The following HACD2 variants were observed in gnomAD, a reference collection of about 807,000 sequenced individuals.
HACD2 encodes the protein very-long-chain (3R)-3-hydroxyacyl-CoA dehydratase 2.
HACD2 carries 15 observed loss-of-function variants against 31.0 expected under a neutral mutation model. The ratio of observed to expected loss-of-function variants is 0.48; its 90% CI spans 0.32 to 0.75. HACD2 has a LOEUF of 0.75. Among genes scored for constraint, HACD2 ranks in the 30% least tolerant of loss-of-function variants. HACD2 has a pLI of 0.03. For synonymous variants in HACD2, 115 were observed against 122.2 expected, an observed-to-expected ratio of 0.94 and a Z score of 0.39; for missense variants, 283 against 313.0, an observed-to-expected ratio of 0.90 and a Z score of 0.72.
Position 123,528,461 on chromosome 3 carries a change from A to C in HACD2, c.306T>G (p.Ser102=). Residue 102 remains serine (S), a synonymous_variant, in exon 4 of 7, where the codon TCT becomes TCG. Transcript: ENST00000383657. ...ILHCAIGIVP[S]SVVLTSFQVM... ...CCTGGAAAGAAGTCAGGACAACAGA[A>C]GATGGAACAATTCCTGAAAGAAATT... 1 of 1,609,902 alleles carries C rather than the reference A, an allele frequency of 6.2e-7. No individual in the cohort carries two copies. Among genetic ancestry groups the C allele is most frequent in the South Asian group, 1.1e-5 (1 of 90,988 alleles).
intron 4 of HACD2, among the ~76,000 whole-genome samples, chr3:123,518,483 T>C (rs1279285028): frequency 6.6e-6 from 1 of 152,210 alleles, no homozygotes; most frequent in Admixed American, 6.5e-5. Context: ...ACAAATGTCA[T>C]GCAACATATT....
intron 3 of HACD2, among the ~76,000 whole-genome samples, chr3:123,559,398 C>T (rs2056704337): frequency 6.6e-6 from 1 of 152,226 alleles, no homozygotes; most frequent in African/African-American, 2.4e-5. Flanking sequence ...AACACTCATA[C>T]TTTGGCACGT....
intron 3 of HACD2, among the ~76,000 whole-genome samples, chr3:123,532,484 G>C (rs906390620): frequency 3.9e-5 from 6 of 152,148 alleles, no homozygotes; most frequent in African/African-American, 1.4e-4. Flanking sequence ...TCTCAGCTCT[G>C]AACAGAGCTG....
chr3:123,530,044 T>G (rs1171381578), intron 3 of HACD2, among the ~76,000 whole-genome samples: 1 of 152,222 alleles, frequency 6.6e-6, no homozygotes, highest in Admixed American at 6.5e-5. Context: ...ATATTTCTAT[T>G]ATAATAGACC....
At chr3:123,532,352 A>T (rs1250403000) in intron 3 of HACD2, among the ~76,000 whole-genome samples, 4 of 152,202 alleles carry the variant, frequency 2.6e-5, no homozygotes, top group Non-Finnish European at 5.9e-5. Context: ...AGCAAACAGC[A>T]GTTCAGGCCC....
chr3:123,533,217 T>C (rs995409406), intron 3 of HACD2, among the ~76,000 whole-genome samples: 4 of 143,260 alleles, frequency 2.8e-5, no homozygotes, highest in African/African-American at 7.6e-5. Flanking sequence ...GGCACAATCA[T>C]GGCTCACTGC....
chr3:123,492,779 A>G lies in HACD2; in HGVS notation c.*2109T>C, dbSNP rs1002905057. On this transcript the variant is annotated 3_prime_UTR_variant, in exon 7 of 7. Transcript: ENST00000383657. ...TCTAGAATTTTTCCAAAAACAACTG[A>G]AAAAATCTAACAGAACAAAGTAAAT... The G allele has an allele frequency of 1.3e-5, 2 of 152,256 alleles. No individual in the cohort carries two copies. The highest frequency in any genetic ancestry group is 4.8e-5 in the African/African-American group (2 of 41,474). The allele number at this position is 152,256 out of a possible 1,614,324, so 9.4% of individuals were successfully genotyped here.
At chr3:123,504,268 T>G (rs999381953) in intron 4 of HACD2, among the ~76,000 whole-genome samples, 4 of 152,200 alleles carry the variant, frequency 2.6e-5, no homozygotes, top group African/African-American at 9.6e-5. Flanking sequence ...TTTTTACAGC[T>G]AAGAGTGGAA....
intron 2 of HACD2, among the ~76,000 whole-genome samples, chr3:123,574,837 G>T (rs2056891983): frequency 6.6e-6 from 1 of 151,996 alleles, no homozygotes; most frequent in African/African-American, 2.4e-5. Context: ...CTGCAATTGT[G>T]CTTTTATTCC....
chr3:123,524,605 A>C (rs1254691577), intron 4 of HACD2, among the ~76,000 whole-genome samples: 1 of 152,184 alleles, frequency 6.6e-6, no homozygotes, highest in East Asian at 1.9e-4. Flanking sequence ...AGGCATTTCC[A>C]CTCCATAGGG....
chr3:123,567,715 A>G, intron 3 of HACD2, 47 bp downstream of exon 3: 3 of 1,207,800 alleles, frequency 2.5e-6, no homozygotes, highest in East Asian at 2.8e-5. Flanking sequence ...GACTTTTTAA[A>G]TAAGCAGAAT....
chr3:123,494,735 C>T lies in HACD2; in HGVS notation c.*153G>A. 1.5e-6 allele frequency: 1 copy of T among 658,600 alleles called. No homozygotes were observed. The highest frequency in any genetic ancestry group is 3.6e-4 in the Middle Eastern group (1 of 2,742). The allele number at this position is 658,600 out of a possible 1,614,324, so 40.8% of individuals were successfully genotyped here. A position where few individuals can be genotyped will look rare whatever the true frequency, so the allele number is the denominator to read the frequency against. The stretch of plus-strand genomic sequence containing the variant: ...TTTTTCTAAAATAAAATCTCAGGCC[C>T]ATGTGACACTGGATTTTTGTTTTAG... On this transcript the variant is annotated 3_prime_UTR_variant, in exon 7 of 7. Coordinates refer to ENST00000383657, the MANE Select transcript of HACD2 (RefSeq NM_198402.5).
intron 3 of HACD2, among the ~76,000 whole-genome samples, chr3:123,533,412 G>A (rs2056389190): frequency 1.3e-5 from 2 of 152,220 alleles, no homozygotes; most frequent in African/African-American, 4.8e-5. Context: ...GCATCCCAAA[G>A]TGCTGGGATT....
chr3:123,545,166 T>C (rs916283898), intron 3 of HACD2, among the ~76,000 whole-genome samples: 3 of 149,312 alleles, frequency 2.0e-5, no homozygotes, highest in African/African-American at 7.4e-5. Flanking sequence ...AAACAATGTG[T>C]ATGTGTTACT....
chr3:123,558,434 A>AT (rs1391850983), intron 3 of HACD2, among the ~76,000 whole-genome samples: 2 of 152,238 alleles, frequency 1.3e-5, no homozygotes, highest in Non-Finnish European at 2.9e-5. Flanking sequence ...GTCAATGTAC[A>AT]TTAATCAATT....
chr3:123,563,867 C>G (rs1469227764), intron 3 of HACD2, among the ~76,000 whole-genome samples: 1 of 152,122 alleles, frequency 6.6e-6, no homozygotes, highest in Non-Finnish European at 1.5e-5. Context: ...CACTGGAATA[C>G]AGTAAGTATT....
At chr3:123,577,620 C>CAA (rs35024817) in intron 2 of HACD2, among the ~76,000 whole-genome samples, 298 of 90,398 alleles carry the variant, frequency 3.3e-3, no homozygotes, top group African/African-American at 9.3e-3. Context: ...GACTCTGTCT[C>CAA]AAAAAAAAAA....
rs530791445 is a variant in HACD2 at position 123,561,167 on chromosome 3, G to A, written c.292+6595C>T. Among the ~76,000 whole-genome samples, 126 of 152,298 alleles carry A rather than the reference G, an allele frequency of 8.3e-4. No individual in the cohort carries two copies. In the Middle Eastern group the frequency reaches 0.017, roughly 21 times the overall value. On this transcript the variant is annotated intron_variant, in intron 3 of 6. Transcript: ENST00000383657. ...GCTGGAAAGATTTTTTTGGTAGGAA[G>A]AGGGGTGGGTCTCCCTAGCGGCTGC...
chr3:123,544,987 T>C (rs1022072950), intron 3 of HACD2, among the ~76,000 whole-genome samples: 6 of 144,480 alleles, frequency 4.2e-5, no homozygotes, highest in African/African-American at 1.3e-4. Flanking sequence ...GGTGGGAGGA[T>C]TGCTTGAGCC....
Sources: gnomAD v4.1 joint callset for allele counts (sites outside exome capture counted in the v4.1 genomes callset) on GRCh38, gnomAD v4.1.1 for gene constraint, MANE v1.5 for transcripts, NCBI Gene and HGNC (gene_info 2026-07-23, HGNC 2026-07-21) for gene names.